Variants in DENND1B observed in about 807,000 individuals in gnomAD.
DENND1B encodes the protein DENN domain containing 1B.
A neutral mutation model predicts 90.1 loss-of-function variants in DENND1B; 59 were observed. The observed-to-expected ratio is 0.65, with a 90% CI of 0.53 to 0.81. DENND1B has a LOEUF of 0.81. Among genes scored for constraint, DENND1B ranks in the 40% least tolerant of loss-of-function variants. The probability of loss-of-function intolerance (pLI) is 0.00; values close to 1 mark genes in which losing one functional copy is unlikely to be tolerated. For missense variants in DENND1B, 862 were observed against 912.6 expected (o/e 0.94, Z 0.71); for synonymous variants, 337 against 324.6 (o/e 1.04, Z -0.41).
rs544550442 is a variant in DENND1B at position 197,735,717 on chromosome 1, G to A, written c.83-20643C>T. The A allele has an allele frequency of 1.4e-5, 22 of 1,613,738 alleles. No individual in the cohort carries two copies. The African/African-American group carries it at 2.5e-4, about 19-fold the overall frequency. The stretch of plus-strand genomic sequence containing the variant: ...GCGCTACGCCAGGACCGACAGGAAA[G>A]TTTTCCAGTTTCTTAATGCAAAATG... On this transcript the variant is annotated intron_variant, in intron 2 of 22. Coordinates refer to ENST00000620048, the MANE Select transcript of DENND1B (RefSeq NM_001195215.2).
intron 2 of DENND1B, among the ~76,000 whole-genome samples, chr1:197,727,528 C>A (rs1661754964): frequency 1.3e-5 from 2 of 150,146 alleles, no homozygotes; most frequent in African/African-American, 4.9e-5. Context: ...GAGTGAGACT[C>A]CTTCTCAAAA....
intron 2 of DENND1B, chr1:197,757,460 C>T (rs1654453246): frequency 6.6e-6 from 1 of 152,156 alleles, no homozygotes. Flanking sequence ...AGGCCATTTA[C>T]CTCCTATCAT....
At chr1:197,647,991 C>A (rs903570281) in intron 7 of DENND1B, among the ~76,000 whole-genome samples, 20 of 149,482 alleles carry the variant, frequency 1.3e-4, no homozygotes, top group African/African-American at 4.4e-4. Context: ...AATAGGTATA[C>A]AAGACTTGAA....
intron 2 of DENND1B, chr1:197,736,136 T>C: frequency 1.6e-6 from 1 of 630,218 alleles, no homozygotes; most frequent in South Asian, 2.1e-5. Flanking sequence ...TTTAAATAAA[T>C]ATTGGACTTA....
intron 3 of DENND1B, among the ~76,000 whole-genome samples, chr1:197,702,844 T>C (rs1264104560): frequency 6.6e-6 from 1 of 152,210 alleles, no homozygotes; most frequent in Admixed American, 6.5e-5. Flanking sequence ...AGATTAAAAG[T>C]TGTAATTATA....
At chr1:197,589,986 T>G (rs1675046116) in intron 14 of DENND1B, among the ~76,000 whole-genome samples, 1 of 152,150 alleles carries the variant, frequency 6.6e-6, no homozygotes, top group African/African-American at 2.4e-5. Context: ...ATTTAAAAAT[T>G]TGACTTATTT....
intron 20 of DENND1B, among the ~76,000 whole-genome samples, chr1:197,524,171 G>A (rs988855006): frequency 2.6e-5 from 4 of 151,994 alleles, no homozygotes; most frequent in African/African-American, 9.7e-5. Context: ...AAGAACTGAG[G>A]GATATTAGAA....
chr1:197,672,244 C>T (rs1655585753), intron 4 of DENND1B, 88 bp from the exon 5 acceptor site: 2 of 1,407,580 alleles, frequency 1.4e-6, no homozygotes, highest in Admixed American at 2.6e-5. Flanking sequence ...TTATATGTGA[C>T]ATTGGTTTCA....
At chr1:197,777,079 T>C (rs1657307286), upstream of DENND1B, among the ~76,000 whole-genome samples, 1 of 152,098 alleles carries the variant, frequency 6.6e-6, no homozygotes, top group East Asian at 1.9e-4. Context: ...TCTGCATAAG[T>C]GACCATACTC....
rs1658986938 is a variant in DENND1B, at chr1:197,701,160, C to A, written c.126+13871G>T. On this transcript the variant is annotated intron_variant, in intron 3 of 22. Coordinates refer to ENST00000620048, the MANE Select transcript of DENND1B (RefSeq NM_001195215.2). ...TTTGTTGCAGCACTATTTACAATAG[C>A]AAAGACATGGAACCAACCCAAATGC... is the stretch of plus-strand genomic sequence containing the variant. Among the ~76,000 whole-genome samples, 3 of 152,212 alleles carry A rather than the reference C, an allele frequency of 2.0e-5. No homozygotes were observed. The South Asian group carries it at 6.2e-4, about 32-fold the overall frequency.
At chr1:197,557,896 T>C (rs1342518378) in intron 15 of DENND1B, among the ~76,000 whole-genome samples, 2 of 151,836 alleles carry the variant, frequency 1.3e-5, no homozygotes. Context: ...AGAAATAATT[T>C]TGAACTAATA....
At chr1:197,674,646 C>T (rs569814045) in intron 3 of DENND1B, among the ~76,000 whole-genome samples, 3 of 138,260 alleles carry the variant, frequency 2.2e-5, no homozygotes, top group South Asian at 5.0e-4. Flanking sequence ...AACAACTCTA[C>T]ATGTCCCATA....
intron 17 of DENND1B, 102 bp downstream of exon 17, chr1:197,546,631 A>T: frequency 1.0e-6 from 1 of 1,002,848 alleles, no homozygotes; most frequent in Non-Finnish European, 1.4e-6. Context: ...AAACATTTCA[A>T]ATATTTCAAA....
chr1:197,670,132 T>C (rs1472415755), intron 5 of DENND1B, among the ~76,000 whole-genome samples: 1 of 152,168 alleles, frequency 6.6e-6, no homozygotes, highest in African/African-American at 2.4e-5. Flanking sequence ...TCATGTTTTG[T>C]ATAAATATTT....
intron 10 of DENND1B, among the ~76,000 whole-genome samples, chr1:197,625,743 C>T (rs1017257971): frequency 2.6e-5 from 4 of 152,044 alleles, no homozygotes; most frequent in African/African-American, 7.2e-5. Flanking sequence ...AGTCAAGACC[C>T]ATCAGTGTGC....
chr1:197,659,465 G>A (rs1654188464), intron 5 of DENND1B, among the ~76,000 whole-genome samples: 1 of 151,878 alleles, frequency 6.6e-6, no homozygotes, highest in Admixed American at 6.6e-5. Flanking sequence ...ACTACGTAAT[G>A]ATATGAAAAC....
At chr1:197,646,886 A>T (rs897892007) in intron 8 of DENND1B, among the ~76,000 whole-genome samples, 169 bp downstream of exon 8, 1 of 152,130 alleles carries the variant, frequency 6.6e-6, no homozygotes, top group African/African-American at 2.4e-5. Flanking sequence ...CTATGCTTTA[A>T]AAGATAGTAT....
chr1:197,667,429 TTTATTA>T (rs1655051507), intron 5 of DENND1B, among the ~76,000 whole-genome samples: 1 of 152,096 alleles, frequency 6.6e-6, no homozygotes, highest in African/African-American at 2.4e-5. Flanking sequence ...TTTATTTTTA[TTTATTA>T]TTATCTTTTT....
chr1:197,676,610 A>G (rs1288662797), intron 3 of DENND1B, among the ~76,000 whole-genome samples: 1 of 152,172 alleles, frequency 6.6e-6, no homozygotes, highest in Non-Finnish European at 1.5e-5. Flanking sequence ...AAAATATTTT[A>G]TTTTTATGCC....
Sources: gnomAD v4.1 joint callset for allele counts (sites outside exome capture counted in the v4.1 genomes callset) on GRCh38, gnomAD v4.1.1 for gene constraint, MANE v1.5 for transcripts, NCBI Gene and HGNC (gene_info 2026-07-23, HGNC 2026-07-21) for gene names.